The following ZNF606 variants were observed in gnomAD, a reference collection of about 807,000 sequenced individuals.
The protein encoded by ZNF606 is zinc finger protein 328.
ZNF606 carries 37 observed loss-of-function variants against 74.9 expected under a neutral mutation model. The observed-to-expected ratio is 0.49, with a 90% CI of 0.38 to 0.65. The LOEUF (loss-of-function observed/expected upper bound fraction) is 0.65. Among genes scored for constraint, ZNF606 ranks in the 30% least tolerant of loss-of-function variants. ZNF606 has a pLI of 0.00. For synonymous variants in ZNF606, 328 were observed against 312.4 expected (o/e 1.05, Z -0.53); for missense variants, 852 against 952.9 (o/e 0.89, Z 1.39).
At chr19:58,000,280 G>A (rs2073401065) in intron 3 of ZNF606, 1 of 450,056 alleles carries the variant, frequency 2.2e-6, no homozygotes, top group African/African-American at 2.0e-5. Flanking sequence ...GGAGTGCAGT[G>A]GCACGATCTT....
rs1161866213 is a variant in ZNF606, at chr19:57,990,616, C to T, written c.178-1895G>A. Among the ~76,000 whole-genome samples, 14 of 151,858 alleles carry T rather than the reference C, an allele frequency of 9.2e-5. No homozygotes were observed. In the East Asian group the frequency reaches 2.7e-3, roughly 29 times the overall value. On this transcript the variant is annotated intron_variant, in intron 4 of 6. Coordinates refer to ENST00000551380, the MANE Select transcript of ZNF606 (RefSeq NM_001348022.3). ...ACGTGTGCAGTATACCGCTCCCACTCCAAGGGTCCTCTGGACCTGTGCCCC... is the reference window on the plus strand; with the variant it reads ...ACGTGTGCAGTATACCGCTCCCACTTCAAGGGTCCTCTGGACCTGTGCCCC...
chr19:57,991,027 C>T (rs1405077575), intron 4 of ZNF606, among the ~76,000 whole-genome samples: 1 of 152,084 alleles, frequency 6.6e-6, no homozygotes, highest in Admixed American at 6.5e-5. Context: ...CATGTAGAGA[C>T]GCCTCCTGCA....
intron 1 of ZNF606, 29 bp from the exon 2 acceptor site, chr19:58,001,399 C>T: frequency 6.4e-7 from 1 of 1,564,676 alleles, no homozygotes; most frequent in Non-Finnish European, 8.8e-7. Context: ...AAAGACAAAA[C>T]TAGTCCTTTC....
intron 6 of ZNF606, among the ~76,000 whole-genome samples, chr19:57,983,606 A>G (rs1427457682): frequency 6.6e-6 from 1 of 152,024 alleles, no homozygotes; most frequent in South Asian, 2.1e-4. Context: ...AGAAAAAGAA[A>G]TATCACTCTG....
chr19:57,981,429 A>C (rs1007099566), intron 6 of ZNF606, among the ~76,000 whole-genome samples: 45 of 152,210 alleles, frequency 3.0e-4, no homozygotes, highest in Non-Finnish European at 1.5e-4. Context: ...AAAAGGACCC[A>C]GTGAATGTTA....
intron 4 of ZNF606, among the ~76,000 whole-genome samples, chr19:57,990,975 A>G (rs1027438880): frequency 6.6e-6 from 1 of 151,966 alleles, no homozygotes; most frequent in Admixed American, 6.5e-5. Context: ...GTGTCTCACA[A>G]CCTCGAAGAC....
intron 6 of ZNF606, among the ~76,000 whole-genome samples, chr19:57,981,169 A>C (rs985435431): frequency 7.2e-5 from 11 of 152,140 alleles, no homozygotes; most frequent in Admixed American, 6.5e-4. Context: ...GGACTCCTAG[A>C]CTCAGGCAAG....
chr19:57,992,419 C>G (rs2073274682), intron 4 of ZNF606, among the ~76,000 whole-genome samples: 1 of 152,186 alleles, frequency 6.6e-6, no homozygotes, highest in Admixed American at 6.5e-5. Context: ...AGTCCAAATA[C>G]TAGCTAACAG....
chr19:57,985,928 T>C (rs1301469944), intron 6 of ZNF606, among the ~76,000 whole-genome samples: 1 of 150,086 alleles, frequency 6.7e-6, no homozygotes, highest in Non-Finnish European at 1.5e-5. Context: ...AGCAAGAGTC[T>C]GTCTCAATAA....
intron 5 of ZNF606, 92 bp from the exon 6 acceptor site, chr19:57,988,394 C>A: frequency 7.0e-7 from 1 of 1,424,674 alleles, no homozygotes; most frequent in South Asian, 1.3e-5. Flanking sequence ...TGTGACTTCT[C>A]AACCTGGGCA....
At chr19:57,988,802 T>TG in intron 4 of ZNF606, 81 bp from the exon 5 acceptor site, 3 of 1,600,690 alleles carry the variant, frequency 1.9e-6, no homozygotes, top group Non-Finnish European at 2.6e-6. Flanking sequence ...CTGACAGCCC[T>TG]GGGGAGAGAA....
rs750548957 is a variant in ZNF606, at chr19:57,979,472, T to C, written c.1208A>G (p.Asn403Ser). 1.9e-6 allele frequency: 3 copies of C among 1,614,166 alleles called. No homozygotes were observed. The highest frequency in any genetic ancestry group is 2.5e-6 in the Non-Finnish European group (3 of 1,180,028). Reference protein sequence around the residue: ...TYTAEKPYDYNECGTSFIWSS... With the variant: ...TYTAEKPYDYSECGTSFIWSS... ...CCAGATGAAAGACGTCCCACATTCA[T>C]TGTAGTCATAGGGTTTCTCTGCAGT... Residue 403 changes from asparagine (N) to serine (S), a missense_variant, in exon 7 of 7, where the codon AAT (asparagine) becomes AGT (serine). Around this residue, in one of 3 missense-constraint regions of ZNF606, gnomAD observed 545 missense variants for 542.5 expected, o/e 1.00. Coordinates refer to ENST00000551380, the MANE Select transcript of ZNF606 (RefSeq NM_001348022.3).
intron 6 of ZNF606, among the ~76,000 whole-genome samples, chr19:57,985,076 C>T (rs985891372): frequency 2.6e-5 from 4 of 152,170 alleles, no homozygotes; most frequent in African/African-American, 9.7e-5. Flanking sequence ...GCCTGGGCGA[C>T]AGAGCGAGAC....
chr19:57,983,109 A>G (rs1394751118), intron 6 of ZNF606, among the ~76,000 whole-genome samples: 1 of 152,230 alleles, frequency 6.6e-6, no homozygotes, highest in African/African-American at 2.4e-5. Flanking sequence ...TGACCAAATG[A>G]AAGACCAACT....
At position 57,977,394 on chromosome 19, in the gene ZNF606, T is replaced by C. The variant is rs1472701630; in HGVS notation, c.*907A>G. 1 of 152,228 alleles carries C rather than the reference T, an allele frequency of 6.6e-6. No individual in the cohort carries two copies. Among genetic ancestry groups the C allele is most frequent in the African/African-American group, 2.4e-5 (1 of 41,464 alleles). The allele number at this position is 152,228 out of a possible 1,614,324, so 9.4% of individuals were successfully genotyped here. On this transcript the variant is annotated 3_prime_UTR_variant, in exon 7 of 7. Transcript: ENST00000551380. The stretch of plus-strand genomic sequence containing the variant: ...AGTGTTATATGTATTTGTAAAACTT[T>C]TTAAAAATCTCAACTGGGTTAACTT...
chr19:57,982,779 T>G (rs900722878), intron 6 of ZNF606, among the ~76,000 whole-genome samples: 1 of 152,048 alleles, frequency 6.6e-6, no homozygotes, highest in Admixed American at 6.6e-5. Flanking sequence ...ACTACAGGCA[T>G]GAATCCTGTA....
intron 2 of ZNF606, 59 bp downstream of exon 2, chr19:58,001,230 C>A (rs1484050442): frequency 9.4e-6 from 15 of 1,602,780 alleles, no homozygotes; most frequent in Non-Finnish European, 1.2e-5. Flanking sequence ...CCAGCTCTGA[C>A]CCATGACTGC....
At chr19:57,999,946 C>A in intron 3 of ZNF606, 50 bp from the exon 4 acceptor site, 1 of 1,574,184 alleles carries the variant, frequency 6.4e-7, no homozygotes, top group South Asian at 1.1e-5. Flanking sequence ...GCCAGGAGCT[C>A]ACCTTTTCTT....
At chr19:57,988,348 G>A in intron 5 of ZNF606, 46 bp from the exon 6 acceptor site, 2 of 1,575,534 alleles carry the variant, frequency 1.3e-6, no homozygotes, top group Non-Finnish European at 1.7e-6. Context: ...GAGGCTTCAG[G>A]ACAGCCAAAG....
Sources: allele counts gnomAD v4.1 joint callset (sites outside exome capture counted in the v4.1 genomes callset), GRCh38; gene constraint gnomAD v4.1.1; regional missense constraint gnomAD v4.1.1; transcripts MANE v1.5; gene names NCBI Gene and HGNC (gene_info 2026-07-23, HGNC 2026-07-21).